Variants in FNIP1 observed in about 807,000 individuals in gnomAD.
The protein encoded by FNIP1 is folliculin interacting protein 1, also known as folliculin-interacting protein 1.
FNIP1 carries 40 observed loss-of-function variants against 124.5 expected under a neutral mutation model. The observed-to-expected ratio is 0.32, with a 90% CI of 0.25 to 0.42. FNIP1 has a LOEUF of 0.42. Ranked by LOEUF, FNIP1 falls within the 10% of genes least tolerant of loss-of-function variation. The probability of loss-of-function intolerance (pLI) is 1.00; values close to 1 mark genes in which losing one functional copy is unlikely to be tolerated. For missense variants in FNIP1, 1,176 were observed against 1,403.7 expected, an observed-to-expected ratio of 0.84 and a Z score of 2.59; for synonymous variants, 472 against 470.6, an observed-to-expected ratio of 1.00 and a Z score of -0.04.
chr5:131,672,173 A>G lies in FNIP1; in HGVS notation c.2271T>C (p.Asp757=). Residue 757 remains aspartate, a synonymous_variant, in exon 14 of 18, where the codon GAT becomes GAC. Coordinates refer to ENST00000510461, the MANE Select transcript of FNIP1 (RefSeq NM_133372.3). ...AQTKVTFLIG[D]SMSPDSDTEL... The stretch of plus-strand genomic sequence containing the variant: ...CAGTATCTGAATCAGGTGACATAGA[A>G]TCCCCAATCAGGAAAGTAACCTTTG... The G allele has an allele frequency of 6.2e-7, 1 of 1,614,206 alleles. No individual in the cohort carries two copies. Among genetic ancestry groups the G allele is most frequent in the Non-Finnish European group, 8.5e-7 (1 of 1,180,040 alleles).
At chr5:131,669,359 G>T (rs777050415) in intron 15 of FNIP1, among the ~76,000 whole-genome samples, 1 of 152,050 alleles carries the variant, frequency 6.6e-6, no homozygotes, top group Non-Finnish European at 1.5e-5. Flanking sequence ...ATCAGAGCTA[G>T]ACAAAGACAT....
intron 15 of FNIP1, among the ~76,000 whole-genome samples, chr5:131,662,925 T>A (rs1767486550): frequency 6.6e-6 from 1 of 151,998 alleles, no homozygotes; most frequent in South Asian, 2.1e-4. Flanking sequence ...ATATTTTTAG[T>A]GGAGACGGGG....
rs1276989146 is a variant in FNIP1, at chr5:131,686,244, T to C, written c.1203-7069A>G. Among the ~76,000 whole-genome samples the C allele has an allele frequency of 2.6e-5, 4 of 152,260 alleles. No individual in the cohort carries two copies. In the East Asian group the frequency reaches 7.7e-4, roughly 29 times the overall value. ...TCTCAAATGCTGACTCTGACATCCC[T>C]GCTAAGAGTTGAACAGTAATTGTGT... On this transcript the variant is annotated intron_variant, in intron 11 of 17. Transcript: ENST00000510461.
intron 3 of FNIP1, among the ~76,000 whole-genome samples, chr5:131,727,122 C>T (rs538783407): frequency 6.6e-6 from 1 of 152,126 alleles, no homozygotes; most frequent in African/African-American, 2.4e-5. Flanking sequence ...AATGTATATT[C>T]TGTTTATTTG....
intron 16 of FNIP1, among the ~76,000 whole-genome samples, chr5:131,649,078 T>A (rs1412783840): frequency 1.3e-5 from 2 of 152,262 alleles, no homozygotes; most frequent in Non-Finnish European, 2.9e-5. Flanking sequence ...ATGCTTGGGT[T>A]ATTTCTAACG....
intron 13 of FNIP1, 127 bp from the exon 14 acceptor site, chr5:131,673,051 G>T (rs199957537): frequency 8.7e-4 from 418 of 482,334 alleles, no homozygotes; most frequent in South Asian, 2.7e-3. Context: ...TCGTTTTTTT[G>T]TTTTTTTTTT....
intron 10 of FNIP1, among the ~76,000 whole-genome samples, chr5:131,703,632 A>T (rs371592395): frequency 3.9e-5 from 6 of 152,186 alleles, no homozygotes; most frequent in African/African-American, 9.7e-5. Context: ...CCACATTCAC[A>T]TGTCCTTTAA....
chr5:131,677,534 TA>T, intron 13 of FNIP1, 168 bp downstream of exon 13: 1 of 587,492 alleles, frequency 1.7e-6, no homozygotes, highest in Non-Finnish European at 2.9e-6. Flanking sequence ...ATTTCAGGTC[TA>T]AGACGAGGAT....
At chr5:131,785,188 ATATATATGACTATATATATATCATAACGC>A (rs1772163797) in intron 1 of FNIP1, among the ~76,000 whole-genome samples, 1 of 131,676 alleles carries the variant, frequency 7.6e-6, no homozygotes, top group African/African-American at 3.1e-5. Flanking sequence ...CATATATATG[ATATATATGACTATATATATATCATAACGC>A]TATTGGGCAG....
At chr5:131,651,142 C>A (rs1224635925) in intron 16 of FNIP1, among the ~76,000 whole-genome samples, 1 of 151,750 alleles carries the variant, frequency 6.6e-6, no homozygotes, top group East Asian at 1.9e-4. Context: ...GTAATCTCAG[C>A]ACTTTGGGAG....
At chr5:131,742,532 A>G (rs1250966173) in intron 2 of FNIP1, among the ~76,000 whole-genome samples, 2 of 152,234 alleles carry the variant, frequency 1.3e-5, no homozygotes, top group Non-Finnish European at 2.9e-5. Flanking sequence ...AAATGGTCAA[A>G]ATAATATTTA....
intron 1 of FNIP1, among the ~76,000 whole-genome samples, chr5:131,768,455 G>A (rs1188952855): frequency 3.4e-5 from 4 of 117,556 alleles, no homozygotes; most frequent in Non-Finnish European, 7.3e-5. Flanking sequence ...GTTTAACTGG[G>A]TCATACACAG....
At chr5:131,796,525 A>G (rs1026216658) in intron 1 of FNIP1, 12 of 413,136 alleles carry the variant, frequency 2.9e-5, no homozygotes, top group Middle Eastern at 6.2e-4. Flanking sequence ...GTGTGGACCC[A>G]AAGTCTCAGG....
chr5:131,790,631 T>C (rs893447947), intron 1 of FNIP1, among the ~76,000 whole-genome samples: 4 of 152,090 alleles, frequency 2.6e-5, no homozygotes, highest in African/African-American at 9.7e-5. Context: ...AAGGCTCAAG[T>C]AAGCAAAGAA....
intron 8 of FNIP1, among the ~76,000 whole-genome samples, chr5:131,707,260 T>C (rs1427986566): frequency 6.6e-6 from 1 of 152,162 alleles, no homozygotes; most frequent in Non-Finnish European, 1.5e-5. Context: ...GGCTAGGAGA[T>C]TTTCATCAGG....
At chr5:131,758,069 A>C (rs749186368) in intron 1 of FNIP1, among the ~76,000 whole-genome samples, 2 of 152,242 alleles carry the variant, frequency 1.3e-5, no homozygotes, top group Non-Finnish European at 2.9e-5. Flanking sequence ...ATCTATAGAC[A>C]CATGAAATTA....
intron 1 of FNIP1, among the ~76,000 whole-genome samples, chr5:131,778,250 A>G (rs1285150476): frequency 2.0e-5 from 3 of 151,862 alleles, no homozygotes; most frequent in Admixed American, 1.3e-4. Flanking sequence ...CTTGGGAAAC[A>G]AACAAACAAA....
chr5:131,784,406 C>A (rs1772093216), intron 1 of FNIP1, among the ~76,000 whole-genome samples: 1 of 151,934 alleles, frequency 6.6e-6, no homozygotes, highest in South Asian at 2.1e-4. Context: ...ACCAAAAATT[C>A]TAATATTGAA....
intron 11 of FNIP1, among the ~76,000 whole-genome samples, chr5:131,692,149 A>C (rs28852): frequency 0.64 from 97,530 of 152,024 alleles, 33,144 homozygotes; most frequent in Non-Finnish European, 0.77. Flanking sequence ...GTTTCAAAGA[A>C]TCAATCGAAA....
Sources: allele counts gnomAD v4.1 joint callset (sites outside exome capture counted in the v4.1 genomes callset), GRCh38; gene constraint gnomAD v4.1.1; transcripts MANE v1.5; gene names NCBI Gene and HGNC (gene_info 2026-07-23, HGNC 2026-07-21).